The following CD163L1 variants were observed in gnomAD, a reference collection of about 807,000 sequenced individuals.
CD163L1 encodes CD163 molecule like 1.
Under a neutral mutation model 165.4 loss-of-function variants are expected in CD163L1, and 124 were observed. That is an observed-to-expected ratio of 0.75 (90% CI 0.65 to 0.87). The LOEUF (loss-of-function observed/expected upper bound fraction) is 0.87. Ranked by LOEUF, CD163L1 falls within the 40% of genes least tolerant of loss-of-function variation. CD163L1 has a pLI of 0.00. For missense variants in CD163L1, 1,525 were observed against 1,799.9 expected (o/e 0.85, Z 2.76); for synonymous variants, 585 against 662.2 (o/e 0.88, Z 1.79).
intron 18 of CD163L1, among the ~76,000 whole-genome samples, chr12:7,360,394 C>T (rs1050937380): frequency 3.9e-5 from 6 of 152,100 alleles, no homozygotes; most frequent in South Asian, 2.1e-4. Flanking sequence ...CCACCCACCT[C>T]GGCTTCCCAA....
intron 4 of CD163L1, among the ~76,000 whole-genome samples, chr12:7,427,442 T>C (rs1053345490): frequency 2.0e-5 from 3 of 152,140 alleles, no homozygotes; most frequent in African/African-American, 7.2e-5. Flanking sequence ...ACAGGTACTG[T>C]ATTGCATGCT....
intron 2 of CD163L1, chr12:7,439,777 C>A (rs1243259136): frequency 6.2e-7 from 1 of 1,613,526 alleles, no homozygotes; most frequent in East Asian, 2.2e-5. Flanking sequence ...AATTTCACCC[C>A]CCTCGATCTT....
At chr12:7,406,139 C>T (rs1341090252) in intron 5 of CD163L1, among the ~76,000 whole-genome samples, 2 of 151,986 alleles carry the variant, frequency 1.3e-5, no homozygotes, top group African/African-American at 2.4e-5. Flanking sequence ...TCAGTTATAA[C>T]CTAGAAAAAT....
chr12:7,375,724 T>C lies in CD163L1; in HGVS notation c.2662A>G (p.Arg888Gly). The C allele has an allele frequency of 1.2e-6, 2 of 1,614,218 alleles. No individual in the cohort carries two copies. The highest frequency in any genetic ancestry group is 1.1e-5 in the South Asian group (1 of 91,080). The change falls in exon 10 of 20, where the codon AGA becomes GGA. Residue 888 changes from arginine to glycine, a missense_variant. Arg to Gly is a moderately radical substitution (Grantham distance 125). Transcript: ENST00000313599. The part of the protein sequence containing the change: ...QHPEDTCIHS[R>G]EVGVVCSRYT... ...CGGGAACAGACAACTCCAACTTCTC[T>C]GCTGTGGATACAAGTGTCTTCCGGA...
At chr12:7,379,385 C>G in intron 8 of CD163L1, 87 bp from the exon 9 acceptor site, 2 of 1,337,770 alleles carry the variant, frequency 1.5e-6, no homozygotes, top group South Asian at 3.0e-5. Context: ...CTAACATAGA[C>G]CAGTGGCCAA....
chr12:7,337,200 T>C, the CD163L1 span, among the ~76,000 whole-genome samples: 2 of 152,124 alleles, frequency 1.3e-5, no homozygotes, highest in African/African-American at 4.8e-5. Flanking sequence ...ATGTAAGACC[T>C]AAAACCATAA....
intron 17 of CD163L1, 93 bp from the exon 18 acceptor site, chr12:7,367,424 C>T (rs1437583904): frequency 5.7e-6 from 4 of 696,028 alleles, no homozygotes; most frequent in Non-Finnish European, 7.3e-6. Flanking sequence ...ACATATTAAT[C>T]CCTCTGAGCT....
intron 4 of CD163L1, among the ~76,000 whole-genome samples, chr12:7,421,508 C>CATATATGTACAT (rs1221688511): frequency 2.5e-5 from 2 of 78,438 alleles, no homozygotes; most frequent in African/African-American, 1.4e-4. Context: ...TGTACATATA[C>CATATATGTACAT]ATATACATAT....
Position 7,396,158 on chromosome 12 carries a change from T to C in CD163L1, c.1987A>G (p.Arg663Gly). ...TCATTATTTCCCCACCCACTGTTCC[T>C]GCATGACCAGAGATCTGACTCATCT... ...DGDESDLWSC[R>G]NSGWGNNDCS... is the part of the protein sequence containing the mutation. Residue 663 changes from arginine to glycine, a missense_variant, in exon 8 of 20, where the codon AGG (arginine) becomes GGG (glycine). Coordinates refer to ENST00000313599, the MANE Select transcript of CD163L1 (RefSeq NM_174941.6). 3 of 1,614,192 alleles carry C rather than the reference T, an allele frequency of 1.9e-6. No individual in the cohort carries two copies. Among genetic ancestry groups the C allele is most frequent in the Non-Finnish European group, 2.5e-6 (3 of 1,180,028 alleles).
chr12:7,418,100 T>A (rs1165681782), intron 4 of CD163L1, among the ~76,000 whole-genome samples: 1 of 152,044 alleles, frequency 6.6e-6, no homozygotes, highest in Non-Finnish European at 1.5e-5. Context: ...CATCAGCACA[T>A]GGAATATTCT....
chr12:7,396,005 C>CGGTCATAAATGTACT (rs1947765228), intron 8 of CD163L1, 90 bp downstream of exon 8: 3 of 1,005,614 alleles, frequency 3.0e-6, no homozygotes, highest in South Asian at 3.5e-5. Context: ...AATGAGCACT[C>CGGTCATAAATGTACT]GGTCATAAAT....
intron 8 of CD163L1, among the ~76,000 whole-genome samples, chr12:7,392,694 G>GAAAA (rs1947683112): frequency 6.6e-6 from 1 of 150,506 alleles, no homozygotes; most frequent in Admixed American, 6.6e-5. Context: ...TAATAAAGAA[G>GAAAA]GAGAGAAGAA....
At chr12:7,383,685 A>G (rs1035909704) in intron 8 of CD163L1, among the ~76,000 whole-genome samples, 1 of 152,208 alleles carries the variant, frequency 6.6e-6, no homozygotes, top group Non-Finnish European at 1.5e-5. Context: ...TAAGCCAAAG[A>G]GGAAATCCCA....
chr12:7,321,284 C>G, the CD163L1 span, among the ~76,000 whole-genome samples: 1 of 152,168 alleles, frequency 6.6e-6, no homozygotes, highest in African/African-American at 2.4e-5. Context: ...GAAAAGCTAA[C>G]AAAATTTATG....
chr12:7,443,287 G>A (rs754667657), intron 1 of CD163L1, among the ~76,000 whole-genome samples: 13 of 152,152 alleles, frequency 8.5e-5, no homozygotes, highest in African/African-American at 1.2e-4. Flanking sequence ...CTGAGGAATG[G>A]CACAGAGACA....
At chr12:7,357,080 T>G (rs1946793021) in intron 19 of CD163L1, among the ~76,000 whole-genome samples, 2 of 151,938 alleles carry the variant, frequency 1.3e-5, no homozygotes, top group South Asian at 4.2e-4. Flanking sequence ...GGAATGGAGG[T>G]TATCAATGAG....
intron 4 of CD163L1, among the ~76,000 whole-genome samples, chr12:7,431,608 G>C (rs139495132): frequency 3.1e-3 from 470 of 152,028 alleles, no homozygotes; most frequent in Non-Finnish European, 4.5e-3. Context: ...GGGCCCGTTG[G>C]GGGGTGGGGG....
the CD163L1 span, among the ~76,000 whole-genome samples, chr12:7,340,176 C>G: frequency 6.6e-6 from 1 of 152,098 alleles, no homozygotes; most frequent in East Asian, 1.9e-4. Context: ...CTATAGATAC[C>G]CTGAAGAGGT....
At chr12:7,333,186 C>T in the CD163L1 span, among the ~76,000 whole-genome samples, 5 of 152,176 alleles carry the variant, frequency 3.3e-5, no homozygotes, top group Admixed American at 2.6e-4. Flanking sequence ...ACAGAATATA[C>T]GTTCTTTTCA....
Sources: allele counts gnomAD v4.1 joint callset (sites outside exome capture counted in the v4.1 genomes callset), GRCh38; gene constraint gnomAD v4.1.1; transcripts MANE v1.5; gene names NCBI Gene and HGNC (gene_info 2026-07-23, HGNC 2026-07-21).